Variants in NAF1 observed in about 807,000 individuals in gnomAD.
NAF1 encodes the protein H/ACA ribonucleoprotein complex non-core subunit NAF1.
NAF1 carries 11 observed loss-of-function variants against 40.6 expected under a neutral mutation model. That is an observed-to-expected ratio of 0.27 (90% CI 0.17 to 0.45). The LOEUF is 0.45. Among genes scored for constraint, NAF1 ranks in the 20% least tolerant of loss-of-function variants. The pLI is 1.00. For missense variants in NAF1, 607 were observed against 611.1 expected (o/e 0.99, Z 0.07); for synonymous variants, 260 against 228.5 (o/e 1.14, Z -1.24).
Position 163,140,402 on chromosome 4 carries a change from G to T in NAF1, c.718-19C>A, listed in dbSNP as rs376296540. The stretch of plus-strand genomic sequence containing the variant: ...CGAATATCTGTAATAGAAACATAAA[G>T]GCCTCTTTTAACATGTAAAATAACT... On this transcript the variant is annotated intron_variant, in intron 4 of 7. Transcript: ENST00000274054. 6.3e-7 allele frequency: 1 copy of T among 1,576,546 alleles called. No homozygotes were observed. The highest frequency in any genetic ancestry group is 1.2e-5 in the South Asian group (1 of 83,874).
intron 4 of NAF1, among the ~76,000 whole-genome samples, chr4:163,140,692 T>A (rs957352929): frequency 1.3e-5 from 2 of 152,254 alleles, no homozygotes; most frequent in African/African-American, 2.4e-5. Context: ...ATGATTTTTT[T>A]AAATTATTGC....
chr4:163,141,834 G>A (rs1472480712), intron 4 of NAF1: 1 of 515,218 alleles, frequency 1.9e-6, no homozygotes, highest in African/African-American at 2.1e-5. Flanking sequence ...CACATCCTCA[G>A]TTCTTGATTT....
At chr4:163,139,991 A>T (rs982045201) in intron 5 of NAF1, among the ~76,000 whole-genome samples, 3 of 152,150 alleles carry the variant, frequency 2.0e-5, no homozygotes, top group Admixed American at 6.5e-5. Context: ...CAGAAAGTGT[A>T]CATGGCTCAA....
chr4:163,140,722 C>T (rs1375536240), intron 4 of NAF1, among the ~76,000 whole-genome samples: 1 of 151,944 alleles, frequency 6.6e-6, no homozygotes, highest in Non-Finnish European at 1.5e-5. Flanking sequence ...TTGTAAAGTA[C>T]ACAGAAAAGG....
downstream of NAF1, among the ~76,000 whole-genome samples, chr4:163,108,053 G>A (rs781547497): frequency 6.6e-6 from 1 of 152,156 alleles, no homozygotes; most frequent in Non-Finnish European, 1.5e-5. Flanking sequence ...TAGCTTGCTA[G>A]AGTGTGGAAA....
At chr4:163,148,586 T>G (rs1013868553) in intron 2 of NAF1, 152 bp from the exon 3 acceptor site, 2 of 552,960 alleles carry the variant, frequency 3.6e-6, no homozygotes, top group African/African-American at 3.9e-5. Context: ...GGTTGCAGAC[T>G]TGTGATAGCA....
chr4:163,127,112 G>A (rs1406152314), downstream of NAF1: 5 of 1,549,614 alleles, frequency 3.2e-6, no homozygotes, highest in South Asian at 6.0e-5. Flanking sequence ...AGATATACCT[G>A]TACCTGGGGT....
At chr4:163,144,235 G>A (rs1301172861) in intron 4 of NAF1, among the ~76,000 whole-genome samples, 1 of 152,158 alleles carries the variant, frequency 6.6e-6, no homozygotes, top group Non-Finnish European at 1.5e-5. Flanking sequence ...AATCAGTGGG[G>A]AAGGCAAAGG....
At position 163,113,373 on chromosome 4, in the gene NAF1, T is replaced by G. The variant is rs546885745; in HGVS notation, c.115-3083A>C. Among the ~76,000 whole-genome samples the G allele has an allele frequency of 9.5e-4, 122 of 128,920 alleles. 3 individuals carry two copies. In the South Asian group the frequency reaches 0.018, roughly 19 times the overall value. 84.6% of individuals were successfully genotyped at this position (128,920 alleles called of 152,430 possible). On this transcript the variant is annotated intron_variant, in intron 2 of 2. Transcript: ENST00000509434. The stretch of plus-strand genomic sequence containing the variant: ...TCCTAACATCTATGGTAATCCCTTG[T>G]TTTTATTTTTTTAATAGTTATGCCA...
chr4:163,107,707 A>G (rs977802396), downstream of NAF1, among the ~76,000 whole-genome samples: 35 of 152,142 alleles, frequency 2.3e-4, no homozygotes, highest in African/African-American at 7.7e-4. Flanking sequence ...TTTTTAATAA[A>G]TGGAAAGCAC....
chr4:163,125,252 C>T (rs532629546), downstream of NAF1, among the ~76,000 whole-genome samples: 9 of 152,308 alleles, frequency 5.9e-5, no homozygotes, highest in East Asian at 1.7e-3. Context: ...TCTCACTTTA[C>T]ATCAAAAGTT....
chr4:163,166,560 G>A lies in NAF1; in HGVS notation c.168C>T (p.Thr56=), dbSNP rs2111082070. 2 of 1,602,200 alleles carry A rather than the reference G, an allele frequency of 1.2e-6. No homozygotes were observed. Among genetic ancestry groups the A allele is most frequent in the South Asian group, 1.1e-5 (1 of 89,570 alleles). The change falls in exon 1 of 8, where the codon ACC becomes ACT. Residue 56 remains threonine (T), a synonymous_variant. Coordinates refer to ENST00000274054, the MANE Select transcript of NAF1 (RefSeq NM_138386.3). ...SFEGSPDAGQ[T]VEVKPAGEQP... ...GCTCCCCGGCAGGCTTAACCTCCAC[G>A]GTCTGCCCAGCGTCCGGGGACCCCT...
chr4:163,113,186 A>G (rs1477192404), intron 2 of NAF1, among the ~76,000 whole-genome samples: 1 of 152,278 alleles, frequency 6.6e-6, no homozygotes, highest in East Asian at 1.9e-4. Context: ...TAATACATAT[A>G]TAGATAGTTC....
At chr4:163,140,748 T>G (rs1028070597) in intron 4 of NAF1, among the ~76,000 whole-genome samples, 2 of 152,218 alleles carry the variant, frequency 1.3e-5, no homozygotes, top group Non-Finnish European at 2.9e-5. Context: ...AATTGGTAAC[T>G]TTTGAGAAAA....
intron 5 of NAF1, among the ~76,000 whole-genome samples, chr4:163,137,707 C>A (rs75207753): frequency 6.6e-6 from 1 of 152,222 alleles, no homozygotes; most frequent in Admixed American, 6.5e-5. Flanking sequence ...TTATTTTCTC[C>A]TCAGTTTACC....
intron 1 of NAF1, among the ~76,000 whole-genome samples, chr4:163,165,253 C>A (rs542399431): frequency 6.6e-5 from 10 of 152,176 alleles, no homozygotes; most frequent in Non-Finnish European, 1.5e-4. Flanking sequence ...CATTTGATTT[C>A]ACTGCTGTTA....
At chr4:163,127,818 T>C (rs1291977540), downstream of NAF1, among the ~76,000 whole-genome samples, 3 of 152,150 alleles carry the variant, frequency 2.0e-5, no homozygotes. Flanking sequence ...TCCAGATTAC[T>C]CCAATGTGCC....
downstream of NAF1, among the ~76,000 whole-genome samples, chr4:163,122,716 C>A (rs965985009): frequency 2.6e-5 from 4 of 152,308 alleles, no homozygotes; most frequent in South Asian, 8.3e-4. Context: ...GGGCTCCCCC[C>A]TCACTGGGGG....
chr4:163,137,110 T>C (rs537520846), intron 6 of NAF1, 89 bp downstream of exon 6: 55 of 1,455,546 alleles, frequency 3.8e-5, no homozygotes, highest in Non-Finnish European at 8.5e-6. Flanking sequence ...CCAGTATTAA[T>C]GACTTCCCTA....
Sources: allele counts gnomAD v4.1 joint callset (sites outside exome capture counted in the v4.1 genomes callset), GRCh38; gene constraint gnomAD v4.1.1; transcripts MANE v1.5; gene names NCBI Gene and HGNC (gene_info 2026-07-23, HGNC 2026-07-21).